Variants in ATM observed in about 807,000 individuals in gnomAD.
The protein encoded by ATM is ATM serine/threonine kinase.
ATM carries 308 observed loss-of-function variants against 387.0 expected under a neutral mutation model. The observed-to-expected ratio is 0.80, with a 90% CI of 0.73 to 0.87. The LOEUF (loss-of-function observed/expected upper bound fraction) is 0.87, where lower values mean the gene tolerates loss of function less well. ATM is among the 40% of genes least tolerant of loss of function. The probability of loss-of-function intolerance (pLI) is 0.00; values close to 1 mark genes in which losing one functional copy is unlikely to be tolerated. For missense variants in ATM, 3,312 were observed against 3,560.9 expected (o/e 0.93, Z 1.78); for synonymous variants, 1,156 against 1,187.3 (o/e 0.97, Z 0.54).
chr11:108,258,851 T>C (rs1312616571), intron 15 of ATM, 135 bp from the exon 16 acceptor site: 7 of 691,108 alleles, frequency 1.0e-5, no homozygotes, highest in East Asian at 8.1e-5. Flanking sequence ...AGATGTGTTT[T>C]TGAAGCAGCA....
At chr11:108,365,253 T>G in intron 62 of ATM, 35 bp downstream of exon 62, 2 of 1,614,192 alleles carry the variant, frequency 1.2e-6, no homozygotes, top group Non-Finnish European at 1.7e-6. Flanking sequence ...TGTTGTCAGT[T>G]TTTCAGATTT....
chr11:108,287,489 C>A (rs879004695), intron 26 of ATM, 111 bp from the exon 27 acceptor site: 2 of 673,810 alleles, frequency 3.0e-6, no homozygotes, highest in Admixed American at 5.3e-5. Flanking sequence ...CATCTATTTT[C>A]TTTTACAGTC....
intron 11 of ATM, among the ~76,000 whole-genome samples, 171 bp downstream of exon 11, chr11:108,252,202 C>T (rs1565386621): frequency 6.6e-6 from 1 of 152,036 alleles, no homozygotes; most frequent in Non-Finnish European, 1.5e-5. Context: ...TGTCTTTATG[C>T]CTGATTGCTT....
intron 42 of ATM, 37 bp downstream of exon 42, chr11:108,316,150 G>C (rs755970192): frequency 1.3e-6 from 2 of 1,552,062 alleles, no homozygotes; most frequent in Non-Finnish European, 1.8e-6. Context: ...GCCATCACTA[G>C]TGTAGTGCTG....
intron 35 of ATM, 101 bp downstream of exon 35, chr11:108,301,890 T>C: frequency 1.6e-6 from 2 of 1,233,374 alleles, no homozygotes; most frequent in Non-Finnish European, 2.3e-6. Context: ...AGTATTGTAC[T>C]AACTATTAAC....
rs55812024 is a variant in ATM at position 108,259,082 on chromosome 11, A to G, written c.2466+7A>G. The G allele has an allele frequency of 8.5e-5, 137 of 1,605,060 alleles. 2 individuals are homozygous for G. The East Asian group carries it at 2.8e-3, about 33-fold the overall frequency. On this transcript the variant is annotated splice_region_variant and intron_variant, in intron 16 of 62. Transcript: ENST00000675843. ...AGATATTTGTAAAAGTTTAGTAAGT[A>G]TGCTTCCTGTTTTGCTATCATATTT... is the stretch of plus-strand genomic sequence containing the variant.
At chr11:108,263,896 T>A (rs1383170030) in intron 16 of ATM, among the ~76,000 whole-genome samples, 1 of 150,444 alleles carries the variant, frequency 6.6e-6, no homozygotes, top group Non-Finnish European at 1.5e-5. Flanking sequence ...ATGGATAAAT[T>A]CCTGGACACA....
At position 108,250,868 on chromosome 11, in the gene ATM, A is replaced by G. The variant is rs1060501628; in HGVS notation, c.1403A>G (p.Lys468Arg). ...CLTEVALCQDKRSNLESSQKS... is the reference protein window; with the variant it reads ...CLTEVALCQDRRSNLESSQKS... The stretch of plus-strand genomic sequence containing the variant: ...ACGGAAGTTGCATTGTGTCAAGACA[A>G]GAGGTCAAACCTAGAAAGCTCACAA... Residue 468 changes from lysine to arginine, a missense_variant, in exon 10 of 63, where the codon AAG (lysine) becomes AGG (arginine). Physicochemically the swap from Lys to Arg is conservative, Grantham distance 26. This residue lies in a region of ATM where 1,791 missense variants were observed against 1,804.5 expected (regional missense o/e 0.99). Transcript: ENST00000675843. 4 of 1,614,148 alleles carry G rather than the reference A, an allele frequency of 2.5e-6. No homozygotes were observed. Among genetic ancestry groups the G allele is most frequent in the Non-Finnish European group, 3.4e-6 (4 of 1,179,980 alleles).
intron 61 of ATM, among the ~76,000 whole-genome samples, chr11:108,356,848 A>T (rs1430379572): frequency 6.6e-6 from 1 of 152,178 alleles, no homozygotes; most frequent in Non-Finnish European, 1.5e-5. Flanking sequence ...AGGACTTTGG[A>T]TTTCCTTTGA....
chr11:108,296,698 G>A (rs556108389), intron 32 of ATM, among the ~76,000 whole-genome samples: 1 of 152,272 alleles, frequency 6.6e-6, no homozygotes, highest in South Asian at 2.1e-4. Flanking sequence ...TTGTACTTGT[G>A]TTCTTGAGTA....
Position 108,292,831 on chromosome 11 carries a change from T to C in ATM, c.4611+38T>C, listed in dbSNP as rs574392514. 1.9e-6 allele frequency: 3 copies of C among 1,596,318 alleles called. No homozygotes were observed. The East Asian group carries it at 6.7e-5, about 36-fold the overall frequency. On this transcript the variant is annotated intron_variant, in intron 30 of 62. Coordinates refer to ENST00000675843, the MANE Select transcript of ATM (RefSeq NM_000051.4). Reference sequence around the variant, plus strand: ...CTCATCTTCAAAATGGTATTTAAAATATATAAAGTATTGTTAGAAGGATTT... The same window carrying C: ...CTCATCTTCAAAATGGTATTTAAAACATATAAAGTATTGTTAGAAGGATTT...
At chr11:108,285,498 T>A (rs920371997) in intron 26 of ATM, among the ~76,000 whole-genome samples, 2 of 152,276 alleles carry the variant, frequency 1.3e-5, no homozygotes, top group South Asian at 2.1e-4. Flanking sequence ...ACAAATTTTT[T>A]AAGATAAAAA....
rs1565541059 is a variant in ATM, at chr11:108,335,066, A to G, written c.8108A>G (p.Asp2703Gly). Reference sequence around the variant, plus strand: ...GGTGTAAATTTACCAAAAATAATAGATTGTGTAGGTTCCGATGGCAAGGAG... The same window carrying G: ...GGTGTAAATTTACCAAAAATAATAGGTTGTGTAGGTTCCGATGGCAAGGAG... ...AGGVNLPKII[D>G]CVGSDGKERR... The change falls in exon 55 of 63, where the codon GAT becomes GGT. Residue 2703 changes from aspartate (D) to glycine (G), a missense_variant. Coordinates refer to ENST00000675843, the MANE Select transcript of ATM (RefSeq NM_000051.4). The G allele has an allele frequency of 6.2e-7, 1 of 1,613,980 alleles. No homozygotes were observed. Among genetic ancestry groups the G allele is most frequent in the Non-Finnish European group, 8.5e-7 (1 of 1,179,992 alleles).
At chr11:108,308,455 A>G (rs1325813092) in intron 38 of ATM, 1 of 188,782 alleles carries the variant, frequency 5.3e-6, no homozygotes, top group African/African-American at 2.4e-5. Flanking sequence ...TGCTGTGACA[A>G]TGTTTATTTT....
At chr11:108,331,617 TATATAAAGTATATATACC>T (rs777896123) in intron 51 of ATM, 60 bp downstream of exon 51, 155 of 1,401,282 alleles carry the variant, frequency 1.1e-4, no homozygotes, top group Non-Finnish European at 1.4e-4. Flanking sequence ...TACTATATAT[TATATAAAGTATATATACC>T]ATTCCCTCTA....
intron 4 of ATM, chr11:108,229,926 T>C: frequency 6.6e-6 from 1 of 152,496 alleles, no homozygotes; most frequent in South Asian, 2.0e-4. Context: ...CAAGCAGTCC[T>C]CCCCCTGCTC....
chr11:108,289,052 T>C lies in ATM; in HGVS notation c.4185T>C (p.Asn1395=), dbSNP rs2135752553. 1 of 1,612,782 alleles carries C rather than the reference T, an allele frequency of 6.2e-7. No homozygotes were observed. Among genetic ancestry groups the C allele is most frequent in the African/African-American group, 1.3e-5 (1 of 75,000 alleles). The stretch of plus-strand genomic sequence containing the variant: ...AAGCAACATTTGCCTATATCAGCAA[T>C]TGTCATAAAACCAAGTTAAAAAGCA... ...VIKATFAYIS[N]CHKTKLKSIL... The change falls in exon 28 of 63, where the codon AAT becomes AAC. Residue 1395 remains asparagine (N), a synonymous_variant. Coordinates refer to ENST00000675843, the MANE Select transcript of ATM (RefSeq NM_000051.4).
At chr11:108,330,084 C>T in intron 49 of ATM, 130 bp from the exon 50 acceptor site, 2 of 917,046 alleles carry the variant, frequency 2.2e-6, no homozygotes, top group Non-Finnish European at 3.4e-6. Context: ...CTTTATAATC[C>T]TTAGAAGTTT....
At chr11:108,261,198 A>C (rs1018864943) in intron 16 of ATM, among the ~76,000 whole-genome samples, 46 of 152,168 alleles carry the variant, frequency 3.0e-4, no homozygotes, top group African/African-American at 1.1e-3. Flanking sequence ...CACAAACAAA[A>C]AGACAGCAGT....
Sources: allele counts gnomAD v4.1 joint callset (sites outside exome capture counted in the v4.1 genomes callset), GRCh38; gene constraint gnomAD v4.1.1; regional missense constraint gnomAD v4.1.1; transcripts MANE v1.5; gene names NCBI Gene and HGNC (gene_info 2026-07-23, HGNC 2026-07-21).